Variants in SHISA9 observed in about 807,000 individuals in gnomAD.
The protein encoded by SHISA9 is shisa family member 9.
In SHISA9, 13 loss-of-function variants were observed where a neutral mutation model predicts 38.0. The ratio of observed to expected loss-of-function variants is 0.34; its 90% CI spans 0.22 to 0.54. The LOEUF (loss-of-function observed/expected upper bound fraction) is 0.54, where lower values mean the gene tolerates loss of function less well. SHISA9 is among the 20% of genes least tolerant of loss of function. The pLI is 0.91. For missense variants in SHISA9, 538 were observed against 575.8 expected, an observed-to-expected ratio of 0.93 and a Z score of 0.67; for synonymous variants, 275 against 242.0, an observed-to-expected ratio of 1.14 and a Z score of -1.27.
At chr16:13,330,705 A>G in the SHISA9 span, among the ~76,000 whole-genome samples, 192 of 152,338 alleles carry the variant, frequency 1.3e-3, no homozygotes, top group African/African-American at 4.0e-3. Context: ...TAGCTGCACC[A>G]CAATTTAAGC....
At chr16:13,206,394 G>C (rs1265738646) in intron 3 of SHISA9, among the ~76,000 whole-genome samples, 2 of 152,110 alleles carry the variant, frequency 1.3e-5, no homozygotes. Flanking sequence ...ATCGATTTCA[G>C]TATGAAATAT....
chr16:13,317,644 G>A, the SHISA9 span, among the ~76,000 whole-genome samples: 4 of 152,136 alleles, frequency 2.6e-5, no homozygotes, highest in Non-Finnish European at 5.9e-5. Context: ...CCCTGCCTCT[G>A]TAGAATGGAG....
the SHISA9 span, among the ~76,000 whole-genome samples, chr16:13,487,452 G>A: frequency 6.6e-6 from 1 of 152,158 alleles, no homozygotes; most frequent in African/African-American, 2.4e-5. Flanking sequence ...GGTGGGAGCA[G>A]GAAGGAGGCA....
the SHISA9 span, among the ~76,000 whole-genome samples, chr16:13,348,652 T>C: frequency 3.3e-5 from 5 of 151,774 alleles, no homozygotes; most frequent in Non-Finnish European, 7.4e-5. Context: ...GATGGGATTC[T>C]GAATTATGTT....
intron 2 of SHISA9, among the ~76,000 whole-genome samples, chr16:13,065,271 C>G (rs900373673): frequency 3.9e-5 from 6 of 152,172 alleles, no homozygotes; most frequent in Non-Finnish European, 8.8e-5. Context: ...TCTCTCCCTC[C>G]CACTCCCTCA....
the SHISA9 span, among the ~76,000 whole-genome samples, chr16:13,532,079 T>G: frequency 1.3e-5 from 2 of 152,222 alleles, no homozygotes; most frequent in Non-Finnish European, 2.9e-5. Context: ...CAGGGTTTCA[T>G]TTCATAACCT....
chr16:13,447,493 C>G, the SHISA9 span, among the ~76,000 whole-genome samples: 2 of 152,220 alleles, frequency 1.3e-5, no homozygotes, highest in African/African-American at 2.4e-5. Context: ...CAATGCGGGG[C>G]AGACAGGGAC....
At chr16:13,034,276 TG>T (rs2073027164) in intron 2 of SHISA9, among the ~76,000 whole-genome samples, 1 of 152,176 alleles carries the variant, frequency 6.6e-6, no homozygotes, top group South Asian at 2.1e-4. Flanking sequence ...GGAATGGCAT[TG>T]GTGGGGGTAG....
At chr16:13,007,994 C>A (rs1404148895) in intron 2 of SHISA9, among the ~76,000 whole-genome samples, 1 of 152,192 alleles carries the variant, frequency 6.6e-6, no homozygotes, top group Non-Finnish European at 1.5e-5. Context: ...CAGCTGCAGG[C>A]TTTGTACCGC....
chr16:13,039,196 A>C (rs2073106219), intron 2 of SHISA9, among the ~76,000 whole-genome samples: 1 of 152,212 alleles, frequency 6.6e-6, no homozygotes, highest in African/African-American at 2.4e-5. Flanking sequence ...GGCATAAGCC[A>C]CCGCGCCTGG....
chr16:12,991,293 C>T (rs1567174699), intron 2 of SHISA9, among the ~76,000 whole-genome samples: 1 of 152,106 alleles, frequency 6.6e-6, no homozygotes, highest in Non-Finnish European at 1.5e-5. Context: ...TCAGAACATA[C>T]ATTTTTGACT....
the SHISA9 span, among the ~76,000 whole-genome samples, chr16:13,363,148 T>C: frequency 2.6e-5 from 4 of 152,336 alleles, no homozygotes; most frequent in East Asian, 7.7e-4. Flanking sequence ...AGAGTCTATA[T>C]GGGTAAACAA....
chr16:13,342,691 C>T, the SHISA9 span, among the ~76,000 whole-genome samples: 3 of 152,238 alleles, frequency 2.0e-5, no homozygotes, highest in Non-Finnish European at 4.4e-5. Context: ...TACACCATCA[C>T]TTTCCCCACA....
chr16:12,926,601 T>C (rs772771996), intron 2 of SHISA9, among the ~76,000 whole-genome samples: 2 of 152,152 alleles, frequency 1.3e-5, no homozygotes, highest in Non-Finnish European at 2.9e-5. Context: ...CAAAGTAGCA[T>C]GGTGGGAGTA....
chr16:13,469,373 G>GAAAAGAA, the SHISA9 span, among the ~76,000 whole-genome samples: 857 of 82,550 alleles, frequency 0.01, 2 homozygotes, highest in Non-Finnish European at 0.012. Context: ...GAAAAAGAAA[G>GAAAAGAA]AAAGAAAGAA....
chr16:13,221,079 G>C (rs2051219825), intron 4 of SHISA9, among the ~76,000 whole-genome samples: 1 of 152,028 alleles, frequency 6.6e-6, no homozygotes, highest in Non-Finnish European at 1.5e-5. Flanking sequence ...GAGCCTTCAG[G>C]GTTAAGACTA....
intron 4 of SHISA9, among the ~76,000 whole-genome samples, chr16:13,224,946 A>T (rs563819843): frequency 3.9e-5 from 6 of 152,250 alleles, no homozygotes; most frequent in African/African-American, 1.2e-4. Context: ...TACCCCCCTA[A>T]ATCCTTGTCC....
chr16:13,464,916 C>A, the SHISA9 span, among the ~76,000 whole-genome samples: 4 of 151,304 alleles, frequency 2.6e-5, no homozygotes, highest in African/African-American at 9.7e-5. Context: ...AACCCTCAAA[C>A]AGATAGACAG....
the SHISA9 span, among the ~76,000 whole-genome samples, chr16:13,288,443 G>C: frequency 6.6e-6 from 1 of 151,960 alleles, no homozygotes; most frequent in African/African-American, 2.4e-5. Flanking sequence ...GGGAGAGAGA[G>C]AGAAAAAGGG....
Sources: gnomAD v4.1 joint callset for allele counts (sites outside exome capture counted in the v4.1 genomes callset) on GRCh38, gnomAD v4.1.1 for gene constraint, MANE v1.5 for transcripts, NCBI Gene and HGNC (gene_info 2026-07-23, HGNC 2026-07-21) for gene names.